The following USP9Y variants were observed in gnomAD, a reference collection of about 807,000 sequenced individuals.
USP9Y encodes ubiquitin carboxyl-terminal hydrolase 9Y.
Under a neutral mutation model 53.1 loss-of-function variants are expected in USP9Y, and 41 were observed. The observed-to-expected ratio is 0.77, with a 90% CI of 0.60 to 1.00. The LOEUF (loss-of-function observed/expected upper bound fraction) is 1.00, where lower values mean the gene tolerates loss of function less well. Among genes scored for constraint, USP9Y ranks in the 50% least tolerant of loss-of-function variants. The probability of loss-of-function intolerance (pLI) is 0.00; values close to 1 mark genes in which losing one functional copy is unlikely to be tolerated. For synonymous variants in USP9Y, 220 were observed against 173.7 expected (o/e 1.27, Z -2.09); for missense variants, 567 against 535.8 (o/e 1.06, Z -0.58).
intron 3 of USP9Y, among the ~76,000 whole-genome samples, chrY:12,715,405 G>A: frequency 3.5e-5 from 1 of 28,914 alleles, no homozygotes. Context: ...TGCAACCACC[G>A]CCTCCCAGGT....
intron 1 of USP9Y, among the ~76,000 whole-genome samples, chrY:12,707,179 C>T: frequency 3.0e-5 from 1 of 33,376 alleles, no homozygotes; most frequent in South Asian, 6.8e-4. Context: ...AGTGCAATGG[C>T]GCAATCTCGG....
intron 31 of USP9Y, among the ~76,000 whole-genome samples, 193 bp downstream of exon 31, chrY:12,813,245 G>A (rs922181889): frequency 5.9e-4 from 20 of 33,661 alleles, no homozygotes; most frequent in African/African-American, 2.3e-3. Context: ...ATTTTTAGCT[G>A]TGTCTTTTAA....
chrY:12,769,870 T>C (rs2053484146), intron 15 of USP9Y, among the ~76,000 whole-genome samples: 1 of 32,602 alleles, frequency 3.1e-5, no homozygotes. Context: ...CTTGGCTCAC[T>C]GCAACCTCTG....
intron 22 of USP9Y, among the ~76,000 whole-genome samples, chrY:12,782,596 G>T: frequency 3.0e-5 from 1 of 33,502 alleles, no homozygotes; most frequent in South Asian, 6.6e-4. Flanking sequence ...TGCTTGTAGG[G>T]CACAGACGAA....
intron 21 of USP9Y, among the ~76,000 whole-genome samples, chrY:12,779,264 C>CA (rs2053496457): frequency 3.1e-5 from 1 of 32,261 alleles, no homozygotes; most frequent in South Asian, 6.7e-4. Context: ...CTACAGTTTA[C>CA]AAAAAAATCG....
At chrY:12,754,990 A>T in intron 12 of USP9Y, among the ~76,000 whole-genome samples, 1 of 31,819 alleles carries the variant, frequency 3.1e-5, no homozygotes, top group Non-Finnish European at 7.7e-5. Flanking sequence ...CATGTTTAGA[A>T]CTGCTGTGTC....
intron 33 of USP9Y, among the ~76,000 whole-genome samples, chrY:12,827,146 G>A: frequency 3.0e-5 from 1 of 33,223 alleles, no homozygotes. Context: ...CATGTAAATC[G>A]GGAAACAAAT....
At chrY:12,801,648 C>A in intron 27 of USP9Y, among the ~76,000 whole-genome samples, 1 of 33,574 alleles carries the variant, frequency 3.0e-5, no homozygotes, top group Non-Finnish European at 7.4e-5. Context: ...CAATTGTGGT[C>A]TTTTATATAT....
rs764261218 is a variant in USP9Y, at chrY:12,771,089, A to T, written c.1922A>T (p.Gln641Leu). Residue 641 changes from glutamine to leucine, a missense_variant, in exon 16 of 46, where the codon CAA becomes CTA. Transcript: ENST00000338981. Reference sequence around the variant, plus strand: ...GCAGATCATGAAGACTATGATCCACAAACAGTGAGGCTTGGAAGTCGATAC... The same window carrying T: ...GCAGATCATGAAGACTATGATCCACTAACAGTGAGGCTTGGAAGTCGATAC... Reference protein sequence around the residue: ...YAGDHEDYDPQTVRLGSRYSH... With the variant: ...YAGDHEDYDPLTVRLGSRYSH... The T allele has an allele frequency of 2.5e-6, 1 of 397,184 alleles. No homozygotes were observed. Among genetic ancestry groups the T allele is most frequent in the Non-Finnish European group, 3.5e-6 (1 of 282,291 alleles).
intron 7 of USP9Y, 63 bp downstream of exon 7, chrY:12,726,856 C>G: frequency 3.7e-6 from 1 of 270,035 alleles, no homozygotes; most frequent in African/African-American, 7.5e-5. Flanking sequence ...TGCCACAGAC[C>G]ATTAGTGATG....
At chrY:12,731,129 G>A (rs1017280558) in intron 7 of USP9Y, among the ~76,000 whole-genome samples, 4 of 32,884 alleles carry the variant, frequency 1.2e-4, no homozygotes, top group Non-Finnish European at 2.2e-4. Flanking sequence ...CTTGGAGATA[G>A]TATTGCAGGT....
intron 27 of USP9Y, among the ~76,000 whole-genome samples, chrY:12,806,757 A>T: frequency 6.0e-5 from 2 of 33,257 alleles, no homozygotes; most frequent in African/African-American, 1.2e-4. Context: ...GTTTGTTGTT[A>T]ATCAGTACAC....
intron 3 of USP9Y, among the ~76,000 whole-genome samples, chrY:12,714,531 C>T: frequency 3.2e-5 from 1 of 31,269 alleles, no homozygotes; most frequent in Non-Finnish European, 7.7e-5. Context: ...GTCTCTCCCT[C>T]GTGTGCTGAA....
intron 15 of USP9Y, among the ~76,000 whole-genome samples, chrY:12,767,648 G>A (rs750553370): frequency 6.5e-5 from 2 of 30,959 alleles, no homozygotes; most frequent in South Asian, 7.3e-4. Context: ...GTTTACAATC[G>A]TCCTTACACT....
At chrY:12,764,124 A>C in intron 15 of USP9Y, among the ~76,000 whole-genome samples, 1 of 33,564 alleles carries the variant, frequency 3.0e-5, no homozygotes, top group Non-Finnish European at 7.4e-5. Flanking sequence ...GTACAGGATG[A>C]ACTTTAAACA....
chrY:12,790,384 G>A, intron 24 of USP9Y, 23 bp from the exon 25 acceptor site: 1 of 395,706 alleles, frequency 2.5e-6, no homozygotes. Flanking sequence ...TTCATTTGAC[G>A]TAAAATGATT....
At chrY:12,804,304 A>G (rs763170175) in intron 27 of USP9Y, among the ~76,000 whole-genome samples, 1 of 33,782 alleles carries the variant, frequency 3.0e-5, no homozygotes, top group South Asian at 6.6e-4. Flanking sequence ...AAGTTCACAG[A>G]ATTACACCTT....
intron 24 of USP9Y, among the ~76,000 whole-genome samples, chrY:12,788,930 G>A: frequency 6.3e-5 from 2 of 31,552 alleles, no homozygotes; most frequent in Admixed American, 5.8e-4. Context: ...ATGCTGGGCA[G>A]GCTGGTCTCA....
chrY:12,755,957 G>T (rs2053467905), intron 12 of USP9Y, among the ~76,000 whole-genome samples: 1 of 33,026 alleles, frequency 3.0e-5, no homozygotes, highest in Non-Finnish European at 7.5e-5. Flanking sequence ...TTACTGCTAT[G>T]TGGGGGGGAA....
Sources: gnomAD v4.1 joint callset for allele counts (sites outside exome capture counted in the v4.1 genomes callset) on GRCh38, gnomAD v4.1.1 for gene constraint, MANE v1.5 for transcripts, NCBI Gene and HGNC (gene_info 2026-07-23, HGNC 2026-07-21) for gene names.